Variants in DOK6 observed in about 807,000 individuals in gnomAD.
DOK6 encodes the protein downstream of tyrosine kinase 6.
DOK6 carries 22 observed loss-of-function variants against 44.0 expected under a neutral mutation model. The observed-to-expected ratio is 0.50, with a 90% CI of 0.36 to 0.71. The LOEUF (loss-of-function observed/expected upper bound fraction) is 0.71, where lower values mean the gene tolerates loss of function less well. Among genes scored for constraint, DOK6 ranks in the 30% least tolerant of loss-of-function variants. The pLI is 0.00. For synonymous variants in DOK6, 166 were observed against 145.5 expected, an observed-to-expected ratio of 1.14 and a Z score of -1.01; for missense variants, 340 against 416.4, an observed-to-expected ratio of 0.82 and a Z score of 1.60.
At chr18:69,512,035 T>C (rs1001319114) in intron 1 of DOK6, among the ~76,000 whole-genome samples, 1 of 152,126 alleles carries the variant, frequency 6.6e-6, no homozygotes, top group East Asian at 1.9e-4. Flanking sequence ...ATAATGGTGT[T>C]TCTAGTGGAT....
chr18:69,747,292 G>A (rs978819000), intron 6 of DOK6, among the ~76,000 whole-genome samples: 2 of 152,112 alleles, frequency 1.3e-5, no homozygotes, highest in Non-Finnish European at 2.9e-5. Context: ...AAGAGCAAAA[G>A]GAAAGTCAGT....
intron 7 of DOK6, among the ~76,000 whole-genome samples, chr18:69,764,905 T>C (rs7239541): frequency 0.75 from 114,504 of 152,026 alleles, 43,939 homozygotes; most frequent in East Asian, 0.87. Context: ...TCTGTATATC[T>C]GTAATTAAGC....
At chr18:69,635,440 C>T (rs985816199) in intron 3 of DOK6, among the ~76,000 whole-genome samples, 3 of 152,138 alleles carry the variant, frequency 2.0e-5, no homozygotes, top group South Asian at 2.1e-4. Context: ...GTGCTCCTTC[C>T]GTAATTGTCC....
intron 1 of DOK6, among the ~76,000 whole-genome samples, chr18:69,495,962 G>A (rs1318270658): frequency 6.6e-6 from 1 of 152,222 alleles, no homozygotes; most frequent in African/African-American, 2.4e-5. Context: ...TGCCGGGAAT[G>A]GAGAGAGGGA....
chr18:69,615,649 T>C (rs896526802), intron 3 of DOK6, among the ~76,000 whole-genome samples: 2 of 152,194 alleles, frequency 1.3e-5, no homozygotes, highest in Non-Finnish European at 2.9e-5. Context: ...CAATTTCACA[T>C]TGAAGAAAAA....
intron 6 of DOK6, among the ~76,000 whole-genome samples, chr18:69,751,908 T>TA (rs1568115526): frequency 6.6e-6 from 1 of 151,978 alleles, no homozygotes; most frequent in Non-Finnish European, 1.5e-5. Context: ...ATACTTTATG[T>TA]AAAAAAGGAA....
At chr18:69,436,811 T>C (rs540482907) in intron 1 of DOK6, among the ~76,000 whole-genome samples, 20 of 152,324 alleles carry the variant, frequency 1.3e-4, no homozygotes, top group African/African-American at 4.8e-4. Flanking sequence ...CCACATCCTC[T>C]CCAGCATCTG....
Position 69,401,170 on chromosome 18 carries a change from C to G in DOK6, c.-75C>G. 6 of 1,448,760 alleles carry G rather than the reference C, an allele frequency of 4.1e-6. No homozygotes were observed. The highest frequency in any genetic ancestry group is 5.5e-6 in the Non-Finnish European group (6 of 1,090,870). 89.7% of individuals were successfully genotyped at this position (1,448,760 alleles called of 1,614,324 possible). ...CGGCCGGCTGGATGCGAGACCCGCGCAGACCCGGCGGCGGACGGCGGCTCT... is the reference window on the plus strand; with the variant it reads ...CGGCCGGCTGGATGCGAGACCCGCGGAGACCCGGCGGCGGACGGCGGCTCT... On this transcript the variant is annotated 5_prime_UTR_variant, in exon 1 of 8. Coordinates refer to ENST00000382713, the MANE Select transcript of DOK6 (RefSeq NM_152721.6).
chr18:69,723,687 A>C (rs1023880222), intron 5 of DOK6, among the ~76,000 whole-genome samples: 1 of 152,224 alleles, frequency 6.6e-6, no homozygotes, highest in African/African-American at 2.4e-5. Context: ...CATTGCTCAT[A>C]ATCACACTGA....
At chr18:69,481,735 C>G (rs1011380633) in intron 1 of DOK6, among the ~76,000 whole-genome samples, 1 of 152,104 alleles carries the variant, frequency 6.6e-6, no homozygotes, top group Non-Finnish European at 1.5e-5. Flanking sequence ...TGGGTATATA[C>G]CCAGTAATGG....
At chr18:69,725,772 C>T (rs1056334963) in intron 5 of DOK6, among the ~76,000 whole-genome samples, 1 of 152,178 alleles carries the variant, frequency 6.6e-6, no homozygotes, top group Non-Finnish European at 1.5e-5. Flanking sequence ...CACGCATGAG[C>T]CACCCCGCCC....
At position 69,746,904 on chromosome 18, in the gene DOK6, A is replaced by G. The variant is rs139955433; in HGVS notation, c.738+7801A>G. ...TTTGTGAAATTTACCCAATTGGTGT[A>G]ATTCTCATCTTATCTGTATCCTGGA... On this transcript the variant is annotated intron_variant, in intron 6 of 7. Coordinates refer to ENST00000382713, the MANE Select transcript of DOK6 (RefSeq NM_152721.6). 2.3e-3 allele frequency among the ~76,000 whole-genome samples: 350 copies of G among 152,296 alleles called. 2 individuals are homozygous for G. The highest frequency in any genetic ancestry group is 7.5e-3 in the Admixed American group (114 of 15,298).
chr18:69,657,005 C>T (rs1985385866), intron 3 of DOK6, among the ~76,000 whole-genome samples: 1 of 151,744 alleles, frequency 6.6e-6, no homozygotes, highest in Non-Finnish European at 1.5e-5. Flanking sequence ...GAAAGGAGGA[C>T]AGAAAAAAAG....
intron 7 of DOK6, among the ~76,000 whole-genome samples, chr18:69,797,425 C>T (rs1344942360): frequency 6.6e-6 from 1 of 152,042 alleles, no homozygotes; most frequent in Non-Finnish European, 1.5e-5. Context: ...ACAAAATACC[C>T]TCATACATTA....
intron 3 of DOK6, among the ~76,000 whole-genome samples, chr18:69,602,675 C>A (rs1446874243): frequency 6.6e-6 from 1 of 152,102 alleles, no homozygotes; most frequent in Non-Finnish European, 1.5e-5. Context: ...TATATAGGAA[C>A]TCAGTATTAT....
chr18:69,820,961 G>A (rs530000311), intron 7 of DOK6, among the ~76,000 whole-genome samples: 17 of 152,072 alleles, frequency 1.1e-4, no homozygotes, highest in African/African-American at 4.1e-4. Flanking sequence ...TTTATACCTG[G>A]GTGATGAAAT....
At chr18:69,484,154 A>G (rs892823866) in intron 1 of DOK6, among the ~76,000 whole-genome samples, 6 of 152,166 alleles carry the variant, frequency 3.9e-5, no homozygotes, top group African/African-American at 1.2e-4. Flanking sequence ...TTTCCATAAA[A>G]AAAATAATTA....
intron 6 of DOK6, among the ~76,000 whole-genome samples, chr18:69,753,098 T>A (rs11151534): frequency 6.6e-6 from 1 of 152,044 alleles, no homozygotes; most frequent in Non-Finnish European, 1.5e-5. Flanking sequence ...AATGACCTTT[T>A]CAATGAAATG....
chr18:69,596,728 T>C (rs1044959807), intron 2 of DOK6, among the ~76,000 whole-genome samples: 1 of 152,122 alleles, frequency 6.6e-6, no homozygotes, highest in African/African-American at 2.4e-5. Context: ...AGTCCAACCG[T>C]AACAAAAAAC....
Sources: gnomAD v4.1 joint callset for allele counts (sites outside exome capture counted in the v4.1 genomes callset) on GRCh38, gnomAD v4.1.1 for gene constraint, MANE v1.5 for transcripts, NCBI Gene and HGNC (gene_info 2026-07-23, HGNC 2026-07-21) for gene names.